The following NALF1 variants were observed in gnomAD, a reference collection of about 807,000 sequenced individuals.
NALF1 encodes NALCN channel auxiliary factor 1.
A neutral mutation model predicts 48.4 loss-of-function variants in NALF1; 3 were observed. The ratio of observed to expected loss-of-function variants is 0.06; its 90% confidence interval spans 0.03 to 0.16. NALF1 has a LOEUF of 0.16. Ranked by LOEUF, NALF1 falls within the 10% of genes least tolerant of loss-of-function variation. The pLI, the probability that NALF1 is intolerant of heterozygous loss-of-function variation, is 1.00. For synonymous variants in NALF1, 262 were observed against 245.7 expected, an observed-to-expected ratio of 1.07 and a Z score of -0.62; for missense variants, 526 against 571.5, an observed-to-expected ratio of 0.92 and a Z score of 0.81.
At chr13:107,657,853 G>C (rs1022725035) in intron 1 of NALF1, among the ~76,000 whole-genome samples, 2 of 152,150 alleles carry the variant, frequency 1.3e-5, no homozygotes, top group Admixed American at 6.6e-5. Context: ...GCACGGTTCC[G>C]TCTGACACTT....
chr13:107,737,890 C>T lies in NALF1; in HGVS notation c.915+127792G>A, dbSNP rs543975094. The stretch of plus-strand genomic sequence containing the variant: ...TCATCTTTCCGAAGAATAGAAAATG[C>T]ATCCACGTACAATTCGGGCAGAAGG... On this transcript the variant is annotated intron_variant, in intron 1 of 2. Coordinates refer to ENST00000375915, the MANE Select transcript of NALF1 (RefSeq NM_001080396.3). 3.3e-5 allele frequency among the ~76,000 whole-genome samples: 5 copies of T among 152,234 alleles called. No individual in the cohort carries two copies. In the East Asian group the frequency reaches 9.7e-4, roughly 29 times the overall value.
intron 1 of NALF1, among the ~76,000 whole-genome samples, chr13:107,689,674 G>A (rs955753016): frequency 3.3e-5 from 5 of 152,142 alleles, no homozygotes; most frequent in African/African-American, 1.2e-4. Flanking sequence ...AATTCTCCAT[G>A]TGAATCTGGG....
intron 1 of NALF1, among the ~76,000 whole-genome samples, chr13:107,676,132 C>T (rs1594200017): frequency 2.0e-5 from 3 of 152,204 alleles, no homozygotes; most frequent in African/African-American, 2.4e-5. Context: ...GGAGTCAATA[C>T]TACTTATTCC....
At chr13:107,482,361 T>A (rs2139062113) in intron 1 of NALF1, among the ~76,000 whole-genome samples, 1 of 152,186 alleles carries the variant, frequency 6.6e-6, no homozygotes, top group East Asian at 1.9e-4. Context: ...CACACACACG[T>A]CCTATTGGTT....
At chr13:107,512,359 G>A (rs566354416) in intron 1 of NALF1, among the ~76,000 whole-genome samples, 34 of 152,158 alleles carry the variant, frequency 2.2e-4, no homozygotes, top group Admixed American at 1.0e-3. Flanking sequence ...ATGCCACTGC[G>A]CTCCAGCCTG....
At chr13:107,596,877 T>C (rs573193491) in intron 1 of NALF1, among the ~76,000 whole-genome samples, 3 of 152,322 alleles carry the variant, frequency 2.0e-5, no homozygotes, top group East Asian at 1.9e-4. Flanking sequence ...TTTTTTCCCA[T>C]GTTGGCAGTA....
chr13:107,699,267 C>A lies in NALF1; in HGVS notation c.915+166415G>T, dbSNP rs934872678. Among the ~76,000 whole-genome samples the A allele has an allele frequency of 2.6e-5, 4 of 151,880 alleles. No individual in the cohort carries two copies. The East Asian group carries it at 7.7e-4, about 29-fold the overall frequency. ...TCTCAAATAAATATGTCATTATACT[C>A]AGTATAAAAAAGAGAGACACTACTT... On this transcript the variant is annotated intron_variant, in intron 1 of 2. Coordinates refer to ENST00000375915, the MANE Select transcript of NALF1 (RefSeq NM_001080396.3).
At chr13:107,818,127 G>A (rs146223542) in intron 1 of NALF1, among the ~76,000 whole-genome samples, 62 of 152,172 alleles carry the variant, frequency 4.1e-4, no homozygotes, top group African/African-American at 1.2e-3. Context: ...TGATGGCATC[G>A]GAGGGACATC....
chr13:107,571,065 A>T (rs1822259253), intron 1 of NALF1, among the ~76,000 whole-genome samples: 1 of 152,230 alleles, frequency 6.6e-6, no homozygotes. Flanking sequence ...TACAAACATC[A>T]TGTATAAGAC....
Position 107,621,342 on chromosome 13 carries a change from T to C in NALF1, c.915+244340A>G, listed in dbSNP as rs1045732747. ...TTGTAAATACATGTGTGCACATGCC[T>C]TTTATTAATGACAATGTTAAGTTTT... On this transcript the variant is annotated intron_variant, in intron 1 of 2. Coordinates refer to ENST00000375915, the MANE Select transcript of NALF1 (RefSeq NM_001080396.3). Among the ~76,000 whole-genome samples the C allele has an allele frequency of 1.3e-4, 20 of 152,230 alleles. 1 individual carries two copies. Among genetic ancestry groups the C allele is most frequent in the Non-Finnish European group, 1.3e-4 (9 of 68,030 alleles).
At chr13:107,203,045 G>A (rs1049541749) in intron 2 of NALF1, among the ~76,000 whole-genome samples, 1 of 152,186 alleles carries the variant, frequency 6.6e-6, no homozygotes, top group African/African-American at 2.4e-5. Flanking sequence ...GTTCAAATTA[G>A]TCCAGTATCC....
chr13:107,695,495 G>A (rs1399448571), intron 1 of NALF1, among the ~76,000 whole-genome samples: 1 of 151,940 alleles, frequency 6.6e-6, no homozygotes, highest in African/African-American at 2.4e-5. Context: ...CAGATTCATG[G>A]TTTTATACCC....
At chr13:107,716,201 T>G (rs1875811944) in intron 1 of NALF1, among the ~76,000 whole-genome samples, 1 of 152,122 alleles carries the variant, frequency 6.6e-6, no homozygotes, top group Non-Finnish European at 1.5e-5. Context: ...CTAGCTGGAG[T>G]TATTACCAAA....
At chr13:107,423,312 G>A (rs1015865291) in intron 1 of NALF1, among the ~76,000 whole-genome samples, 1 of 152,138 alleles carries the variant, frequency 6.6e-6, no homozygotes, top group Non-Finnish European at 1.5e-5. Flanking sequence ...GGAAAAATAA[G>A]AAGGAAAGAT....
intron 2 of NALF1, among the ~76,000 whole-genome samples, chr13:107,177,032 G>T (rs1454937916): frequency 6.6e-6 from 1 of 151,786 alleles, no homozygotes; most frequent in East Asian, 1.9e-4. Flanking sequence ...AAAGTTACAG[G>T]ATACAACATC....
intron 1 of NALF1, among the ~76,000 whole-genome samples, chr13:107,719,484 C>T (rs1379706047): frequency 6.6e-6 from 1 of 152,112 alleles, no homozygotes; most frequent in Non-Finnish European, 1.5e-5. Flanking sequence ...TTTCAATAGT[C>T]ACTTTGTAAA....
chr13:107,618,871 A>AT (rs777505875), intron 1 of NALF1, among the ~76,000 whole-genome samples: 3 of 152,196 alleles, frequency 2.0e-5, no homozygotes, highest in Non-Finnish European at 2.9e-5. Flanking sequence ...GGGCTAAGAT[A>AT]TAGGAACAAT....
chr13:107,265,164 T>C (rs1809939767), intron 1 of NALF1, among the ~76,000 whole-genome samples: 1 of 152,258 alleles, frequency 6.6e-6, no homozygotes, highest in Non-Finnish European at 1.5e-5. Context: ...CTTTTTAATA[T>C]ATTTTTCACC....
At chr13:107,268,547 C>A (rs1297342595) in intron 1 of NALF1, among the ~76,000 whole-genome samples, 1 of 152,172 alleles carries the variant, frequency 6.6e-6, no homozygotes, top group Non-Finnish European at 1.5e-5. Context: ...CAAGATAATA[C>A]TGTTGGAGGA....
Sources: gnomAD v4.1 joint callset for allele counts (sites outside exome capture counted in the v4.1 genomes callset) on GRCh38, gnomAD v4.1.1 for gene constraint, MANE v1.5 for transcripts, NCBI Gene and HGNC (gene_info 2026-07-23, HGNC 2026-07-21) for gene names.